HOMER1: variants seen among roughly 807,000 people sequenced by gnomAD.
The protein encoded by HOMER1 is homer protein homolog 1.
In HOMER1, 3 loss-of-function variants were observed where a neutral mutation model predicts 48.9. The ratio of observed to expected loss-of-function variants is 0.06; its 90% CI spans 0.03 to 0.16. The LOEUF is 0.16. Ranked by LOEUF, HOMER1 falls within the 10% of genes least tolerant of loss-of-function variation. The pLI is 1.00. For missense variants in HOMER1, 247 were observed against 411.4 expected, an observed-to-expected ratio of 0.60 and a Z score of 3.46; for synonymous variants, 134 against 146.4, an observed-to-expected ratio of 0.92 and a Z score of 0.61.
chr5:79,505,077 A>G (rs1752710671), intron 1 of HOMER1, among the ~76,000 whole-genome samples: 1 of 152,160 alleles, frequency 6.6e-6, no homozygotes, highest in Non-Finnish European at 1.5e-5. Context: ...CAGGACCAAC[A>G]TGATGAAACC....
chr5:79,506,732 G>A (rs1752778686), intron 1 of HOMER1, among the ~76,000 whole-genome samples: 1 of 152,056 alleles, frequency 6.6e-6, no homozygotes, highest in Admixed American at 6.5e-5. Flanking sequence ...AGCTACTCGG[G>A]AGTCTAAAGT....
rs569903988 is a variant in HOMER1, at chr5:79,418,345, C to T, written c.528-16290G>A. 1.1e-4 allele frequency among the ~76,000 whole-genome samples: 16 copies of T among 152,274 alleles called. No homozygotes were observed. In the East Asian group the frequency reaches 2.5e-3, roughly 24 times the overall value. On this transcript the variant is annotated intron_variant, in intron 5 of 8. Transcript: ENST00000334082. ...TTTTGGTTTTCCTTCTAAAGCCTTC[C>T]TGATCGGCCTCGATGGAAGCAAAAG...
chr5:79,500,831 G>T (rs1042600059), intron 1 of HOMER1, among the ~76,000 whole-genome samples: 1 of 151,640 alleles, frequency 6.6e-6, no homozygotes, highest in Non-Finnish European at 1.5e-5. Flanking sequence ...TGCCATGTTG[G>T]CCAGGCTGGT....
chr5:79,467,944 C>CA (rs569477876), intron 1 of HOMER1, among the ~76,000 whole-genome samples: 176 of 152,116 alleles, frequency 1.2e-3, no homozygotes, highest in Middle Eastern at 0.01. Flanking sequence ...CCACATCCAG[C>CA]TTTTTTTAGT....
chr5:79,483,209 T>G (rs1278706660), intron 1 of HOMER1, among the ~76,000 whole-genome samples: 1 of 152,070 alleles, frequency 6.6e-6, no homozygotes. Context: ...GCATATTACA[T>G]ACAATTGAAA....
At chr5:79,470,049 A>C (rs1561376119) in intron 1 of HOMER1, among the ~76,000 whole-genome samples, 1 of 152,224 alleles carries the variant, frequency 6.6e-6, no homozygotes, top group African/African-American at 2.4e-5. Flanking sequence ...TAATACAGGA[A>C]TACAATAATC....
intron 1 of HOMER1, among the ~76,000 whole-genome samples, chr5:79,494,449 G>A (rs1187297482): frequency 6.6e-6 from 1 of 152,104 alleles, no homozygotes; most frequent in East Asian, 1.9e-4. Context: ...TATCTATCTA[G>A]ATCACTGTCA....
chr5:79,443,144 T>C (rs887937578), intron 4 of HOMER1, among the ~76,000 whole-genome samples: 3 of 152,054 alleles, frequency 2.0e-5, no homozygotes, highest in African/African-American at 7.2e-5. Flanking sequence ...ATTCTATTTA[T>C]ATAATTATAA....
intron 5 of HOMER1, among the ~76,000 whole-genome samples, chr5:79,431,633 T>C (rs1750427773): frequency 6.6e-6 from 1 of 152,152 alleles, no homozygotes; most frequent in Non-Finnish European, 1.5e-5. Context: ...AGTATTTGAA[T>C]TATATCTCAA....
chr5:79,479,663 CAT>C (rs376856446), intron 1 of HOMER1, among the ~76,000 whole-genome samples: 57 of 152,162 alleles, frequency 3.7e-4, no homozygotes, highest in African/African-American at 1.4e-3. Flanking sequence ...CCTCTAGAAC[CAT>C]ATGAGAATGA....
chr5:79,424,092 G>A (rs1750177525), intron 5 of HOMER1, among the ~76,000 whole-genome samples: 1 of 151,960 alleles, frequency 6.6e-6, no homozygotes, highest in South Asian at 2.1e-4. Flanking sequence ...TTAAATACCA[G>A]AAAAGCAATA....
chr5:79,423,682 C>T (rs1001805701), intron 5 of HOMER1, among the ~76,000 whole-genome samples: 3 of 151,992 alleles, frequency 2.0e-5, no homozygotes, highest in South Asian at 4.1e-4. Context: ...CATGGAAGGC[C>T]GTAGGTGGAC....
At chr5:79,435,703 C>A (rs1056806244) in intron 5 of HOMER1, among the ~76,000 whole-genome samples, 3 of 148,370 alleles carry the variant, frequency 2.0e-5, no homozygotes, top group Non-Finnish European at 4.5e-5. Context: ...TGGTGGCGGG[C>A]GCCTGTAGTC....
chr5:79,437,170 G>A (rs1391165832), intron 5 of HOMER1, among the ~76,000 whole-genome samples: 1 of 152,102 alleles, frequency 6.6e-6, no homozygotes, highest in African/African-American at 2.4e-5. Flanking sequence ...AATTTTAGGT[G>A]CATAAAGTAA....
At chr5:79,388,735 T>C (rs191041330) in intron 8 of HOMER1, among the ~76,000 whole-genome samples, 21 of 152,012 alleles carry the variant, frequency 1.4e-4, no homozygotes, top group Middle Eastern at 3.4e-3. Flanking sequence ...CAAGGAAAAA[T>C]AGATTTGAAT....
chr5:79,404,984 C>T (rs2112224952), intron 5 of HOMER1, among the ~76,000 whole-genome samples: 1 of 152,152 alleles, frequency 6.6e-6, no homozygotes, highest in Non-Finnish European at 1.5e-5. Context: ...GCTGGGATTA[C>T]AGGCATGAGC....
intron 1 of HOMER1, among the ~76,000 whole-genome samples, chr5:79,461,311 C>T (rs952032368): frequency 2.1e-4 from 32 of 152,266 alleles, no homozygotes; most frequent in Admixed American, 9.2e-4. Context: ...GTTCAAGTGT[C>T]CAGGTATCAA....
chr5:79,394,053 AT>A (rs921897172), intron 8 of HOMER1, among the ~76,000 whole-genome samples: 1 of 151,948 alleles, frequency 6.6e-6, no homozygotes, highest in Admixed American at 6.6e-5. Context: ...AATTTTTCTA[AT>A]TTTTTTTACA....
intron 5 of HOMER1, among the ~76,000 whole-genome samples, chr5:79,410,566 T>C (rs1231476759): frequency 6.6e-6 from 1 of 152,036 alleles, no homozygotes; most frequent in Non-Finnish European, 1.5e-5. Flanking sequence ...ATCTTCCCTG[T>C]TCTCTTTGTA....
Sources: allele counts gnomAD v4.1 joint callset (sites outside exome capture counted in the v4.1 genomes callset), GRCh38; gene constraint gnomAD v4.1.1; transcripts MANE v1.5; gene names NCBI Gene and HGNC (gene_info 2026-07-23, HGNC 2026-07-21).